CEP164: variants seen among roughly 807,000 people sequenced by gnomAD.
CEP164 encodes the protein centrosomal protein of 164 kDa.
In CEP164, 162 loss-of-function variants were observed where a neutral mutation model predicts 182.7. The observed-to-expected ratio is 0.89, with a 90% confidence interval of 0.78 to 1.01. The LOEUF is 1.01. Among genes scored for constraint, CEP164 ranks in the 50% least tolerant of loss-of-function variants. CEP164 has a pLI of 0.00. For missense variants in CEP164, 1,735 were observed against 1,790.4 expected (o/e 0.97, Z 0.56); for synonymous variants, 661 against 690.0 (o/e 0.96, Z 0.66).
intron 2 of CEP164, among the ~76,000 whole-genome samples, chr11:117,337,698 C>T (rs2037413788): frequency 6.6e-6 from 1 of 152,030 alleles, no homozygotes; most frequent in Non-Finnish European, 1.5e-5. Context: ...GCAGCAGCCT[C>T]CTCAGGTGGT....
chr11:117,370,979 C>G (rs1488938741), intron 8 of CEP164, 101 bp from the exon 9 acceptor site: 1 of 1,262,712 alleles, frequency 7.9e-7, no homozygotes, highest in East Asian at 2.4e-5. Flanking sequence ...AGGCACTGGC[C>G]TGTGGGAGTC....
chr11:117,336,281 T>C, intron 2 of CEP164: 1 of 1,554,436 alleles, frequency 6.4e-7, no homozygotes, highest in Non-Finnish European at 8.9e-7. Context: ...TGCATCTTTT[T>C]ATGAGCTTTC....
chr11:117,409,521 G>T lies in CEP164; in HGVS notation c.3749-97G>T, dbSNP rs555380722. 33 of 1,065,650 alleles carry T rather than the reference G, an allele frequency of 3.1e-5. No individual in the cohort carries two copies. In the African/African-American group the frequency reaches 4.4e-4, roughly 14 times the overall value. The allele number at this position is 1,065,650 out of a possible 1,614,324, so 66.0% of individuals were successfully genotyped here. On this transcript the variant is annotated intron_variant, in intron 29 of 32. Transcript: ENST00000278935. This position sits in a 1 kb window ranked among gnomAD's most constrained non-coding sequence, Gnocchi z 4.4. ...GGGCTGTTGTCTGGAGAAGCAGGGA[G>T]GGGTGGCCAGTAGGGTCCTCCATGA...
At chr11:117,337,986 C>G (rs905949703) in intron 2 of CEP164, among the ~76,000 whole-genome samples, 4 of 151,882 alleles carry the variant, frequency 2.6e-5, no homozygotes, top group African/African-American at 7.2e-5. Context: ...TTCTTGCCAG[C>G]CTTCCTTCCT....
At chr11:117,374,122 T>C (rs2042499344) in intron 10 of CEP164, among the ~76,000 whole-genome samples, 1 of 152,136 alleles carries the variant, frequency 6.6e-6, no homozygotes, top group Non-Finnish European at 1.5e-5. Flanking sequence ...ATTATTACTC[T>C]CACTATTGTG....
intron 4 of CEP164, among the ~76,000 whole-genome samples, chr11:117,347,178 T>C (rs753427987): frequency 3.9e-5 from 6 of 152,212 alleles, no homozygotes; most frequent in Admixed American, 3.3e-4. Context: ...ACTAGTCTTA[T>C]ATTGAAGGAC....
At chr11:117,385,771 A>C (rs2043876531) in intron 14 of CEP164, 1 of 152,248 alleles carries the variant, frequency 6.6e-6, no homozygotes, top group Non-Finnish European at 1.5e-5. Context: ...AGGCTTTGGA[A>C]GGAAGGAGAA....
chr11:117,336,978 G>A (rs1330521565), intron 2 of CEP164, among the ~76,000 whole-genome samples: 1 of 152,074 alleles, frequency 6.6e-6, no homozygotes, highest in Non-Finnish European at 1.5e-5. Flanking sequence ...TCCTGAGGTA[G>A]GGGTGGGAAG....
chr11:117,403,543 C>T (rs1010361534), intron 27 of CEP164, among the ~76,000 whole-genome samples: 1 of 152,210 alleles, frequency 6.6e-6, no homozygotes, highest in Non-Finnish European at 1.5e-5. Context: ...TGATGGGCTT[C>T]CCTTTGTGGG....
rs1195281794 is a variant in CEP164 at position 117,361,877 on chromosome 11, G to T, written c.436G>T (p.Gly146Cys). ...SLAPVHVPLG[G>C]LAPLRGLVDT... is the part of the protein sequence containing the mutation. ...AGCCCCAGTTCATGTTCCTCTTGGGGGCCTGGCTCCTTTACGAGGTCTTGT... is the reference window on the plus strand; with the variant it reads ...AGCCCCAGTTCATGTTCCTCTTGGGTGCCTGGCTCCTTTACGAGGTCTTGT... The change falls in exon 6 of 33, where the codon GGC becomes TGC. Residue 146 changes from glycine to cysteine, a missense_variant. Transcript: ENST00000278935. 1 of 1,614,194 alleles carries T rather than the reference G, an allele frequency of 6.2e-7. No individual in the cohort carries two copies. The highest frequency in any genetic ancestry group is 8.5e-7 in the Non-Finnish European group (1 of 1,180,032).
chr11:117,341,329 G>T (rs1429329591), intron 3 of CEP164, among the ~76,000 whole-genome samples: 1 of 152,096 alleles, frequency 6.6e-6, no homozygotes, highest in Admixed American at 6.6e-5. Context: ...ATCATGTCAG[G>T]GCTGTGCTTT....
intron 24 of CEP164, 46 bp from the exon 25 acceptor site, chr11:117,396,008 C>T (rs754458514): frequency 2.5e-6 from 4 of 1,611,760 alleles, no homozygotes; most frequent in Non-Finnish European, 3.4e-6. Flanking sequence ...CCCTCCCCCC[C>T]ATCGCCAGCC....
rs1379860433 is a variant in CEP164 at position 117,412,203 on chromosome 11, T to A, written c.*35T>A. The A allele has an allele frequency of 3.2e-6, 5 of 1,582,364 alleles. No individual in the cohort carries two copies. The highest frequency in any genetic ancestry group is 4.3e-6 in the Non-Finnish European group (5 of 1,156,120). Reference sequence around the variant, plus strand: ...CAGGGGCTTGGGGCAGCCCAGCCTCTCCTCCACCCAGACCAAGTGCCTGAG... The same window carrying A: ...CAGGGGCTTGGGGCAGCCCAGCCTCACCTCCACCCAGACCAAGTGCCTGAG... On this transcript the variant is annotated 3_prime_UTR_variant, in exon 33 of 33. Coordinates refer to ENST00000278935, the MANE Select transcript of CEP164 (RefSeq NM_014956.5).
At chr11:117,406,938 T>A (rs1229479738) in intron 27 of CEP164, among the ~76,000 whole-genome samples, 7 of 151,694 alleles carry the variant, frequency 4.6e-5, no homozygotes, top group Admixed American at 4.6e-4. Flanking sequence ...TACTAAAAAT[T>A]AAAAAATTAG....
chr11:117,336,229 G>C, intron 2 of CEP164: 2 of 1,593,886 alleles, frequency 1.3e-6, no homozygotes, highest in Non-Finnish European at 1.7e-6. Context: ...GGAAGAGGAG[G>C]AGAAAGAGGA....
intron 3 of CEP164, among the ~76,000 whole-genome samples, chr11:117,343,047 T>A (rs2038348078): frequency 6.6e-6 from 1 of 152,112 alleles, no homozygotes; most frequent in African/African-American, 2.4e-5. Flanking sequence ...ATTTTCATAT[T>A]TTTTGTAGAG....
chr11:117,412,204 C>A lies in CEP164; in HGVS notation c.*36C>A, dbSNP rs780168618. ...AGGGGCTTGGGGCAGCCCAGCCTCT[C>A]CTCCACCCAGACCAAGTGCCTGAGG... On this transcript the variant is annotated 3_prime_UTR_variant, in exon 33 of 33. Coordinates refer to ENST00000278935, the MANE Select transcript of CEP164 (RefSeq NM_014956.5). 10 of 1,578,744 alleles carry A rather than the reference C, an allele frequency of 6.3e-6. No homozygotes were observed. The South Asian group carries it at 1.1e-4, about 18-fold the overall frequency.
chr11:117,334,227 C>G (rs763243937), intron 1 of CEP164, among the ~76,000 whole-genome samples: 1 of 152,148 alleles, frequency 6.6e-6, no homozygotes, highest in African/African-American at 2.4e-5. Context: ...ATAAATATTC[C>G]TCGAGTGAGT....
intron 5 of CEP164, chr11:117,356,357 A>G (rs2040292562): frequency 1.7e-5 from 20 of 1,168,858 alleles, no homozygotes; most frequent in Non-Finnish European, 2.2e-5. Flanking sequence ...AGTCTGTTGC[A>G]TGGCAGCTGA....
Sources: gnomAD v4.1 joint callset for allele counts (sites outside exome capture counted in the v4.1 genomes callset) on GRCh38, gnomAD v4.1.1 for gene constraint, Gnocchi (gnomAD v3.1) non-coding constraint, MANE v1.5 for transcripts, NCBI Gene and HGNC (gene_info 2026-07-23, HGNC 2026-07-21) for gene names.